Variants in PHC2 observed in about 807,000 individuals in gnomAD.
The protein encoded by PHC2 is polyhomeotic homolog 2.
In PHC2, 29 loss-of-function variants were observed where a neutral mutation model predicts 87.4. The ratio of observed to expected loss-of-function variants is 0.33; its 90% CI spans 0.25 to 0.45. The LOEUF (loss-of-function observed/expected upper bound fraction) is 0.45. Among genes scored for constraint, PHC2 ranks in the 20% least tolerant of loss-of-function variants. The pLI is 1.00. For missense variants in PHC2, 857 were observed against 1,136.7 expected (o/e 0.75, Z 3.54); for synonymous variants, 438 against 461.7 (o/e 0.95, Z 0.66).
chr1:33,324,266 C>T lies in PHC2; in HGVS notation c.*599G>A, dbSNP rs1646324591. The T allele has an allele frequency of 6.5e-6, 1 of 152,734 alleles. No homozygotes were observed. The allele number at this position is 152,734 out of a possible 1,614,324, so 9.5% of individuals were successfully genotyped here. A position where few individuals can be genotyped will look rare whatever the true frequency, so the allele number is the denominator to read the frequency against. The stretch of plus-strand genomic sequence containing the variant: ...TGGCCTATCTGTCAGTCCAGGCTCC[C>T]ACACAGTCACACAGTCATACACACA... On this transcript the variant is annotated 3_prime_UTR_variant, in exon 15 of 15. Transcript: ENST00000683057.
chr1:33,416,473 G>A (rs1650209927), intron 1 of PHC2, among the ~76,000 whole-genome samples: 1 of 151,278 alleles, frequency 6.6e-6, no homozygotes, highest in African/African-American at 2.4e-5. Flanking sequence ...CTACTCGGGA[G>A]GCTGAGGCAG....
chr1:33,375,381 G>C lies in PHC2; in HGVS notation c.159C>G (p.Asp53Glu). 2 of 1,588,456 alleles carry C rather than the reference G, an allele frequency of 1.3e-6. No homozygotes were observed. The highest frequency in any genetic ancestry group is 1.7e-6 in the Non-Finnish European group (2 of 1,165,660). ...PQISVYSGIP[D>E]RQTVQVIQQA... ...AGACTCTTACCTGCACGGTCTGCCG[G>C]TCTGGAATACCACTGTACACAGAAA... Residue 53 changes from aspartate to glutamate, a missense_variant, in exon 2 of 15, where the codon GAC becomes GAG. Physicochemically the swap from Asp to Glu is conservative, Grantham distance 45 (BLOSUM62 2). Coordinates refer to ENST00000683057, the MANE Select transcript of PHC2 (RefSeq NM_001385109.1).
At chr1:33,425,391 C>T (rs944088011) in intron 1 of PHC2, among the ~76,000 whole-genome samples, 1 of 152,122 alleles carries the variant, frequency 6.6e-6, no homozygotes, top group African/African-American at 2.4e-5. Context: ...AAAGTGAAAG[C>T]CGATAAAGGT....
At chr1:33,381,881 C>T (rs545220732) in intron 1 of PHC2, among the ~76,000 whole-genome samples, 1 of 151,840 alleles carries the variant, frequency 6.6e-6, no homozygotes, top group South Asian at 2.1e-4. Context: ...CCATAATCTC[C>T]CTTGTTTTTT....
intron 9 of PHC2, chr1:33,353,381 T>C (rs1647009586): frequency 6.6e-6 from 1 of 152,166 alleles, no homozygotes. Flanking sequence ...AAAAGCAACT[T>C]TCTGATAATT....
At chr1:33,383,311 A>G (rs1648576693) in intron 1 of PHC2, among the ~76,000 whole-genome samples, 1 of 152,214 alleles carries the variant, frequency 6.6e-6, no homozygotes, top group African/African-American at 2.4e-5. Flanking sequence ...TGTCCTCTGC[A>G]TGTTGCCACC....
intron 14 of PHC2, among the ~76,000 whole-genome samples, chr1:33,328,378 A>ATT (rs10631917): frequency 0.17 from 23,096 of 133,658 alleles, 2,502 homozygotes; most frequent in South Asian, 0.27. Flanking sequence ...TCTTAATTAA[A>ATT]TTTTTTTTTT....
chr1:33,335,389 T>C, intron 9 of PHC2: 1 of 972,846 alleles, frequency 1.0e-6, no homozygotes, highest in Non-Finnish European at 1.2e-6. Flanking sequence ...GCCATTTCTT[T>C]ATTGCAACAA....
chr1:33,414,978 G>C (rs912969338), intron 1 of PHC2, among the ~76,000 whole-genome samples: 15 of 152,108 alleles, frequency 9.9e-5, no homozygotes, highest in Non-Finnish European at 1.9e-4. Flanking sequence ...AGAAAGAAAT[G>C]GTTTTCATAC....
chr1:33,409,057 T>A (rs1196756043), intron 1 of PHC2, among the ~76,000 whole-genome samples: 1 of 152,212 alleles, frequency 6.6e-6, no homozygotes, highest in African/African-American at 2.4e-5. Flanking sequence ...TACTGTTCAA[T>A]CATGAGTAGC....
intron 7 of PHC2, among the ~76,000 whole-genome samples, chr1:33,360,089 A>C (rs756391141): frequency 3.9e-5 from 6 of 152,248 alleles, no homozygotes; most frequent in Non-Finnish European, 7.3e-5. Context: ...AGCAATAGCC[A>C]CACAAATTTT....
intron 14 of PHC2, among the ~76,000 whole-genome samples, chr1:33,327,732 G>A (rs916355173): frequency 6.6e-6 from 1 of 152,208 alleles, no homozygotes; most frequent in African/African-American, 2.4e-5. Flanking sequence ...GCAGCCCTCT[G>A]GAGAGGCCCA....
At chr1:33,348,984 G>T in intron 9 of PHC2, 1 of 791,834 alleles carries the variant, frequency 1.3e-6, no homozygotes, top group Non-Finnish European at 1.5e-6. Flanking sequence ...CCTGTCTGTG[G>T]ACTTCAGTTT....
chr1:33,349,745 C>A lies in PHC2; in HGVS notation c.1558+4656G>T, dbSNP rs930725069. 1.1e-4 allele frequency: 109 copies of A among 992,412 alleles called. No homozygotes were observed. The highest frequency in any genetic ancestry group is 1.3e-4 in the Non-Finnish European group (107 of 833,892). 61.5% of individuals were successfully genotyped at this position (992,412 alleles called of 1,614,324 possible). ...GGGCCCGGGGCTGCCGCGGCGCATC[C>A]GACCGCACCGGCCTGGCCGGCGTCA... On this transcript the variant is annotated intron_variant, in intron 9 of 14. Transcript: ENST00000683057. This position sits in a 1 kb window ranked among gnomAD's most constrained non-coding sequence, Gnocchi z 4.2.
At chr1:33,389,092 AC>A (rs200910483) in intron 1 of PHC2, among the ~76,000 whole-genome samples, 2,661 of 151,432 alleles carry the variant, frequency 0.018, 72 homozygotes, top group African/African-American at 0.061. Flanking sequence ...AAGAAAAAAA[AC>A]CCCCTCACCT....
chr1:33,333,832 G>A (rs1646561550), intron 10 of PHC2: 1 of 451,510 alleles, frequency 2.2e-6, no homozygotes, highest in Non-Finnish European at 3.9e-6. Context: ...ACATCAACAG[G>A]CAGGGACACA....
rs1037340929 is a variant in PHC2, at chr1:33,382,815, C to T, written c.-54-7222G>A. Among the ~76,000 whole-genome samples the T allele has an allele frequency of 2.0e-5, 3 of 152,200 alleles. No homozygotes were observed. Among genetic ancestry groups the T allele is most frequent in the African/African-American group, 7.2e-5 (3 of 41,452 alleles). On this transcript the variant is annotated intron_variant, in intron 1 of 14. Coordinates refer to ENST00000683057, the MANE Select transcript of PHC2 (RefSeq NM_001385109.1). This position sits in a 1 kb window ranked among gnomAD's most constrained non-coding sequence, Gnocchi z 4.3. ...CTACGAAACACTAGGCCTTTGTCCC[C>T]AGTGTCAGGGAAATCCATTTGCTGT...
In PHC2 at chr1:33,370,285, T is replaced by A. The variant is rs904991713; in HGVS notation, c.576+136A>T. 1.3e-5 allele frequency: 10 copies of A among 787,260 alleles called. No individual in the cohort carries two copies. In the African/African-American group the frequency reaches 1.7e-4, roughly 14 times the overall value. The allele number at this position is 787,260 out of a possible 1,614,324, so 48.8% of individuals were successfully genotyped here. On this transcript the variant is annotated intron_variant, in intron 5 of 14. Coordinates refer to ENST00000683057, the MANE Select transcript of PHC2 (RefSeq NM_001385109.1). ...CTCCCACTCAGCCTTCCAGGCCCCC[T>A]TCTTTATCCCACCCCTTATCTCCTG...
At chr1:33,379,286 G>A (rs946386742) in intron 1 of PHC2, among the ~76,000 whole-genome samples, 7 of 56,096 alleles carry the variant, frequency 1.2e-4, no homozygotes, top group South Asian at 6.8e-4. Flanking sequence ...TTGTCTCCCC[G>A]CCCACCGCCC....
Sources: gnomAD v4.1 joint callset for allele counts (sites outside exome capture counted in the v4.1 genomes callset) on GRCh38, gnomAD v4.1.1 for gene constraint, Gnocchi (gnomAD v3.1) non-coding constraint, MANE v1.5 for transcripts, NCBI Gene and HGNC (gene_info 2026-07-23, HGNC 2026-07-21) for gene names.